The following PTPRS variants were observed in gnomAD, a reference collection of about 807,000 sequenced individuals.
The protein encoded by PTPRS is protein tyrosine phosphatase receptor type S.
PTPRS carries 63 observed loss-of-function variants against 215.3 expected under a neutral mutation model. The ratio of observed to expected loss-of-function variants is 0.29; its 90% CI spans 0.24 to 0.36. PTPRS has a LOEUF of 0.36. Among genes scored for constraint, PTPRS ranks in the 10% least tolerant of loss-of-function variants. PTPRS has a pLI of 1.00. For missense variants in PTPRS, 2,258 were observed against 2,825.8 expected (o/e 0.80, Z 4.56); for synonymous variants, 1,404 against 1,191.4 (o/e 1.18, Z -3.68).
chr19:5,330,900 G>A (rs536964075), intron 1 of PTPRS, among the ~76,000 whole-genome samples: 1 of 152,136 alleles, frequency 6.6e-6, no homozygotes, highest in Non-Finnish European at 1.5e-5. Flanking sequence ...AACCCCGGCA[G>A]TTCACACTCT....
chr19:5,266,528 G>A (rs566489127), intron 4 of PTPRS, among the ~76,000 whole-genome samples: 8 of 152,016 alleles, frequency 5.3e-5, no homozygotes, highest in African/African-American at 7.2e-5. Flanking sequence ...CTCCACGCCC[G>A]GCTAATTTTT....
At chr19:5,226,903 T>G (rs1229691259) in intron 16 of PTPRS, among the ~76,000 whole-genome samples, 1 of 152,162 alleles carries the variant, frequency 6.6e-6, no homozygotes, top group Non-Finnish European at 1.5e-5. Flanking sequence ...CTATTGCATC[T>G]GTAGAGTAGG....
At chr19:5,296,593 G>A (rs1460694344) in intron 1 of PTPRS, among the ~76,000 whole-genome samples, 2 of 152,128 alleles carry the variant, frequency 1.3e-5, no homozygotes, top group Admixed American at 6.6e-5. Context: ...AAGTGAAAGA[G>A]GATTCCAGGC....
chr19:5,210,622 G>T lies in PTPRS; in HGVS notation c.5362-28C>A. 1 of 1,614,114 alleles carries T rather than the reference G, an allele frequency of 6.2e-7. No individual in the cohort carries two copies. The highest frequency in any genetic ancestry group is 8.5e-7 in the Non-Finnish European group (1 of 1,180,020). On this transcript the variant is annotated intron_variant, in intron 34 of 37. Transcript: ENST00000262963. The surrounding 1 kb of genome is among the most constrained non-coding windows in gnomAD (Gnocchi z 4.5). ...GTGGAGGAGATGGCGGCCGTGGTCAGCGCTGTCTGAGCCACAGTCTGGCCC... is the reference window on the plus strand; with the variant it reads ...GTGGAGGAGATGGCGGCCGTGGTCATCGCTGTCTGAGCCACAGTCTGGCCC...
At chr19:5,231,244 G>T in intron 14 of PTPRS, 66 bp downstream of exon 14, 1 of 1,485,424 alleles carries the variant, frequency 6.7e-7, no homozygotes, top group Non-Finnish European at 9.0e-7. Context: ...TTTCCAGATG[G>T]AAGGCTTCGA....
At position 5,258,144 on chromosome 19, in the gene PTPRS, A is replaced by G. The variant is rs2146255916; in HGVS notation, c.596-17T>C. 1 of 1,607,860 alleles carries G rather than the reference A, an allele frequency of 6.2e-7. No homozygotes were observed. Among genetic ancestry groups the G allele is most frequent in the South Asian group, 1.1e-5 (1 of 90,946 alleles). On this transcript the variant is annotated splice_polypyrimidine_tract_variant and intron_variant, in intron 7 of 37. Transcript: ENST00000262963. ...GCAGGGCTCCTGTGGGAAGATGGGAAAAAGCTTGGTCTGTTAGAGGGGGGC... is the reference window on the plus strand; with the variant it reads ...GCAGGGCTCCTGTGGGAAGATGGGAGAAAGCTTGGTCTGTTAGAGGGGGGC...
intron 1 of PTPRS, among the ~76,000 whole-genome samples, chr19:5,323,472 T>C (rs1375964989): frequency 6.6e-6 from 1 of 152,118 alleles, no homozygotes; most frequent in Non-Finnish European, 1.5e-5. Flanking sequence ...CAAGTTTAAA[T>C]AGGGTGATCG....
At chr19:5,229,386 G>GC in intron 15 of PTPRS, 44 bp from the exon 16 acceptor site, 1 of 1,366,516 alleles carries the variant, frequency 7.3e-7, no homozygotes, top group Non-Finnish European at 9.5e-7. Flanking sequence ...AGGAAGGTGA[G>GC]CGGGGGAGGC....
At chr19:5,219,556 C>T in intron 22 of PTPRS, 89 bp from the exon 23 acceptor site, 3 of 1,431,694 alleles carry the variant, frequency 2.1e-6, no homozygotes, top group Non-Finnish European at 2.8e-6. Context: ...CTACGTTTCT[C>T]CCCCGCTCTA....
At chr19:5,254,717 G>C (rs530273834) in intron 9 of PTPRS, among the ~76,000 whole-genome samples, 1 of 152,156 alleles carries the variant, frequency 6.6e-6, no homozygotes, top group Non-Finnish European at 1.5e-5. Context: ...GCCTGTGACC[G>C]GGCTCAGAGT....
chr19:5,311,570 G>T (rs2147156300), intron 1 of PTPRS, among the ~76,000 whole-genome samples: 1 of 152,258 alleles, frequency 6.6e-6, no homozygotes, highest in South Asian at 2.1e-4. Flanking sequence ...CCATCCCCTG[G>T]GTGGAGGCTG....
intron 4 of PTPRS, among the ~76,000 whole-genome samples, chr19:5,267,711 G>GCC (rs1277561767): frequency 3.0e-5 from 4 of 134,392 alleles, no homozygotes; most frequent in African/African-American, 5.6e-5. Context: ...TAATAACCGT[G>GCC]CCCCCCCGCC....
chr19:5,267,081 A>G (rs2046456563), intron 4 of PTPRS, among the ~76,000 whole-genome samples: 1 of 152,010 alleles, frequency 6.6e-6, no homozygotes, highest in Admixed American at 6.6e-5. Context: ...AAACAACTCA[A>G]TCCTGGTTGA....
At position 5,212,423 on chromosome 19, in the gene PTPRS, G is replaced by C. The variant is rs754089405; in HGVS notation, c.4683C>G (p.Pro1561=). ...AAGCCAGGAAGGGCGTTGGGTATTC[G>C]GGCACGCCATGGTCCGGCCACGCCG... is the stretch of plus-strand genomic sequence containing the variant. ...QFTAWPDHGV[P]EYPTPFLAFL... Residue 1561 remains proline, a synonymous_variant, in exon 31 of 38, where the codon CCC becomes CCG. Transcript: ENST00000262963. The C allele has an allele frequency of 2.5e-6, 4 of 1,602,726 alleles. No individual in the cohort carries two copies. In the African/African-American group the frequency reaches 5.4e-5, roughly 21 times the overall value.
chr19:5,264,301 T>C (rs2046247121), intron 5 of PTPRS, among the ~76,000 whole-genome samples: 1 of 152,194 alleles, frequency 6.6e-6, no homozygotes, highest in African/African-American at 2.4e-5. Context: ...GGCCCCACTG[T>C]ATTCTCACTG....
chr19:5,264,902 G>A, intron 5 of PTPRS, 106 bp downstream of exon 5: 1 of 1,323,958 alleles, frequency 7.6e-7, no homozygotes, highest in Non-Finnish European at 1.0e-6. Context: ...GCCACACACT[G>A]TCTCTGTCTG....
chr19:5,211,384 A>G (rs1331326831), intron 33 of PTPRS, among the ~76,000 whole-genome samples: 1 of 152,228 alleles, frequency 6.6e-6, no homozygotes, highest in Non-Finnish European at 1.5e-5. Context: ...ATGGAATCAC[A>G]TTATGGACAG....
intron 4 of PTPRS, chr19:5,273,063 A>G: frequency 3.5e-6 from 1 of 285,392 alleles, no homozygotes; most frequent in Non-Finnish European, 6.8e-6. Flanking sequence ...GTGAGCTCTG[A>G]GAAAATTCAA....
intron 17 of PTPRS, 118 bp from the exon 18 acceptor site, chr19:5,223,415 G>GA: frequency 8.0e-7 from 1 of 1,248,532 alleles, no homozygotes; most frequent in East Asian, 3.0e-5. Context: ...GAGTTGGGGG[G>GA]GGTCTTACTC....
Sources: gnomAD v4.1 joint callset for allele counts (sites outside exome capture counted in the v4.1 genomes callset) on GRCh38, gnomAD v4.1.1 for gene constraint, Gnocchi (gnomAD v3.1) non-coding constraint, MANE v1.5 for transcripts, NCBI Gene and HGNC (gene_info 2026-07-23, HGNC 2026-07-21) for gene names.